Variants in MGMT observed in about 807,000 individuals in gnomAD.
MGMT encodes methylated-DNA--protein-cysteine methyltransferase.
A neutral mutation model predicts 15.9 loss-of-function variants in MGMT; 14 were observed. The ratio of observed to expected loss-of-function variants is 0.88; its 90% CI spans 0.58 to 1.37. The LOEUF is 1.37. Among genes scored for constraint, MGMT ranks in the 40% most tolerant of loss-of-function variants. MGMT has a pLI of 0.00. For missense variants in MGMT, 282 were observed against 268.1 expected (o/e 1.05, Z -0.36); for synonymous variants, 130 against 118.2 (o/e 1.10, Z -0.65).
At chr10:129,632,797 C>T (rs1847225593) in intron 2 of MGMT, among the ~76,000 whole-genome samples, 1 of 140,558 alleles carries the variant, frequency 7.1e-6, no homozygotes, top group African/African-American at 2.9e-5. Flanking sequence ...CTTTAAAAGT[C>T]AAGTTCGGAA....
chr10:129,642,937 A>G (rs1847344164), intron 2 of MGMT, among the ~76,000 whole-genome samples: 1 of 150,014 alleles, frequency 6.7e-6, no homozygotes, highest in South Asian at 2.1e-4. Flanking sequence ...GTCTCTTAAG[A>G]AAAAAAAAAG....
chr10:129,630,687 G>A (rs575514713), intron 2 of MGMT, among the ~76,000 whole-genome samples: 14 of 152,272 alleles, frequency 9.2e-5, no homozygotes, highest in South Asian at 4.1e-4. Flanking sequence ...GGGCAGAGCC[G>A]AGACGCCGTC....
intron 2 of MGMT, among the ~76,000 whole-genome samples, chr10:129,582,232 G>A (rs549108739): frequency 6.6e-6 from 1 of 152,170 alleles, no homozygotes; most frequent in South Asian, 2.1e-4. Context: ...CCTTCTGCCC[G>A]ACATGTACTC....
At chr10:129,668,574 G>A (rs1400439950) in intron 2 of MGMT, among the ~76,000 whole-genome samples, 3 of 152,156 alleles carry the variant, frequency 2.0e-5, no homozygotes, top group African/African-American at 7.2e-5. Context: ...CTGTTTCTCA[G>A]TTGTCTATTC....
In MGMT at chr10:129,540,669, T is replaced by C. The variant is rs74160220; in HGVS notation, c.125+4292T>C. On this transcript the variant is annotated intron_variant, in intron 2 of 4. Transcript: ENST00000651593. ...TTCTTTTTTTGGTACTGTCTTTGTC[T>C]TGTTTTGGAATTAGTCTCATTCTGA... Among the ~76,000 whole-genome samples the C allele has an allele frequency of 7.4e-3, 1,130 of 152,376 alleles. 19 individuals carry two copies. Among genetic ancestry groups the C allele is most frequent in the African/African-American group, 0.026 (1,090 of 41,586 alleles).
intron 2 of MGMT, among the ~76,000 whole-genome samples, chr10:129,560,084 G>A (rs1484725228): frequency 6.6e-6 from 1 of 152,184 alleles, no homozygotes; most frequent in Non-Finnish European, 1.5e-5. Context: ...TTGTTAAAAA[G>A]GCAGAGTCTG....
In MGMT at chr10:129,536,272, T is replaced by A; in HGVS notation, c.20T>A (p.Met7Lys). 3 of 1,613,986 alleles carry A rather than the reference T, an allele frequency of 1.9e-6. No individual in the cohort carries two copies. Among genetic ancestry groups the A allele is most frequent in the Non-Finnish European group, 2.5e-6 (3 of 1,180,004 alleles). Reference sequence around the variant, plus strand: ...GGAAAAATGGACAAGGATTGTGAAATGAAACGCACCACACTGGACAGCCCT... The same window carrying A: ...GGAAAAATGGACAAGGATTGTGAAAAGAAACGCACCACACTGGACAGCCCT... Reference protein sequence around the residue: MDKDCEMKRTTLDSPLG... With the variant: MDKDCEKKRTTLDSPLG... Residue 7 changes from methionine to lysine, a missense_variant, in exon 2 of 5, where the codon ATG becomes AAG. Coordinates refer to ENST00000651593, the MANE Select transcript of MGMT (RefSeq NM_002412.5).
At position 129,536,395 on chromosome 10, in the gene MGMT, T is replaced by A; in HGVS notation, c.125+18T>A. On this transcript the variant is annotated intron_variant, in intron 2 of 4. Coordinates refer to ENST00000651593, the MANE Select transcript of MGMT (RefSeq NM_002412.5). ...GCAGCTGAGTAAGTATGAGCCCACG[T>A]GATCCTGTATACCGCACATGCTGAA... 2 of 1,607,706 alleles carry A rather than the reference T, an allele frequency of 1.2e-6. No homozygotes were observed. The highest frequency in any genetic ancestry group is 1.7e-6 in the Non-Finnish European group (2 of 1,178,262).
At chr10:129,507,061 T>C (rs1459301851) in intron 1 of MGMT, among the ~76,000 whole-genome samples, 1 of 152,176 alleles carries the variant, frequency 6.6e-6, no homozygotes, top group Admixed American at 6.5e-5. Context: ...GGGGTTCCAG[T>C]GCTATGTTAT....
chr10:129,696,680 G>A (rs939559484), intron 2 of MGMT, among the ~76,000 whole-genome samples: 2 of 152,252 alleles, frequency 1.3e-5, no homozygotes, highest in Non-Finnish European at 2.9e-5. Flanking sequence ...CATTCGCTCA[G>A]TGGGCAGGGA....
chr10:129,715,157 A>G (rs1226684899), intron 3 of MGMT, among the ~76,000 whole-genome samples: 1 of 152,240 alleles, frequency 6.6e-6, no homozygotes, highest in Non-Finnish European at 1.5e-5. Context: ...GACTTGTAAT[A>G]TGTAAAATTA....
chr10:129,680,121 A>G (rs1436302462), intron 2 of MGMT, among the ~76,000 whole-genome samples: 1 of 152,200 alleles, frequency 6.6e-6, no homozygotes, highest in African/African-American at 2.4e-5. Flanking sequence ...TTCATATCCT[A>G]TCGATTTGTG....
intron 1 of MGMT, among the ~76,000 whole-genome samples, chr10:129,522,921 G>A (rs544298783): frequency 1.3e-5 from 2 of 152,210 alleles, no homozygotes; most frequent in Non-Finnish European, 2.9e-5. Context: ...TCTTGTGTTC[G>A]CACATGTTAC....
intron 1 of MGMT, among the ~76,000 whole-genome samples, chr10:129,510,375 C>G (rs1378958113): frequency 2.0e-5 from 3 of 152,144 alleles, no homozygotes; most frequent in Non-Finnish European, 2.9e-5. Flanking sequence ...AGAGCCACAC[C>G]TGGTGGTGGG....
chr10:129,518,187 GA>G lies in MGMT; in HGVS notation c.-12-18046del, dbSNP rs1329885560. Among the ~76,000 whole-genome samples the G allele has an allele frequency of 1.6e-4, 24 of 151,742 alleles. 2 individuals are homozygous for G. In the East Asian group the frequency reaches 2.7e-3, roughly 17 times the overall value. On this transcript the variant is annotated intron_variant, in intron 1 of 4. Transcript: ENST00000651593. ...GCCAGATGCTCTGTTTATAATGATA[GA>G]AAAAAAATTTTTCATCTCTGAAATT...
chr10:129,523,353 G>A (rs929362197), intron 1 of MGMT, among the ~76,000 whole-genome samples: 10 of 152,246 alleles, frequency 6.6e-5, no homozygotes, highest in African/African-American at 2.2e-4. Context: ...GTTCTAGCGG[G>A]ACTAGTTAAA....
chr10:129,550,501 C>A (rs1160729648), intron 2 of MGMT, among the ~76,000 whole-genome samples: 1 of 150,056 alleles, frequency 6.7e-6, no homozygotes. Context: ...GGCTGGAGTA[C>A]AGTGGTGCGA....
At chr10:129,560,790 T>A (rs1007134430) in intron 2 of MGMT, among the ~76,000 whole-genome samples, 1 of 152,208 alleles carries the variant, frequency 6.6e-6, no homozygotes, top group Non-Finnish European at 1.5e-5. Flanking sequence ...TAAAGCACAA[T>A]ATTGTCGGGT....
At chr10:129,471,433 T>C (rs544187526) in intron 1 of MGMT, among the ~76,000 whole-genome samples, 1 of 152,248 alleles carries the variant, frequency 6.6e-6, no homozygotes, top group Admixed American at 6.5e-5. Context: ...TTAGCTACAT[T>C]GTACTTCCCA....
Sources: allele counts gnomAD v4.1 joint callset (sites outside exome capture counted in the v4.1 genomes callset), GRCh38; gene constraint gnomAD v4.1.1; transcripts MANE v1.5; gene names NCBI Gene and HGNC (gene_info 2026-07-23, HGNC 2026-07-21).